THSD7B: variants seen among roughly 807,000 people sequenced by gnomAD.
The protein encoded by THSD7B is thrombospondin type-1 domain-containing protein 7B.
In THSD7B, 138 loss-of-function variants were observed where a neutral mutation model predicts 213.6. The observed-to-expected ratio is 0.65, with a 90% CI of 0.56 to 0.74. The LOEUF (loss-of-function observed/expected upper bound fraction) is 0.74. THSD7B is among the 30% of genes least tolerant of loss of function. The probability of loss-of-function intolerance (pLI) is 0.00; values close to 1 mark genes in which losing one functional copy is unlikely to be tolerated. For missense variants in THSD7B, 1,931 were observed against 1,991.5 expected, an observed-to-expected ratio of 0.97 and a Z score of 0.58; for synonymous variants, 742 against 687.0, an observed-to-expected ratio of 1.08 and a Z score of -1.25.
At chr2:137,564,456 C>T (rs1032250971) in intron 16 of THSD7B, among the ~76,000 whole-genome samples, 1 of 152,188 alleles carries the variant, frequency 6.6e-6, no homozygotes, top group African/African-American at 2.4e-5. Context: ...TCCCTTTGTA[C>T]ATTGCCCTTT....
intron 2 of THSD7B, among the ~76,000 whole-genome samples, chr2:137,037,135 A>G (rs1038020607): frequency 3.9e-5 from 6 of 152,120 alleles, no homozygotes; most frequent in Non-Finnish European, 8.8e-5. Flanking sequence ...AAGGGATTCC[A>G]AGCAATCTGA....
At chr2:137,586,296 C>T (rs1220339829) in intron 17 of THSD7B, among the ~76,000 whole-genome samples, 1 of 152,116 alleles carries the variant, frequency 6.6e-6, no homozygotes, top group Non-Finnish European at 1.5e-5. Context: ...TCCAATTTGC[C>T]AGTCTGTGTC....
At chr2:136,849,771 A>T (rs1027365886) in intron 1 of THSD7B, among the ~76,000 whole-genome samples, 22 of 152,140 alleles carry the variant, frequency 1.4e-4, no homozygotes, top group Admixed American at 1.2e-3. Flanking sequence ...TATTTAGAAA[A>T]ATTGTTTAGA....
At chr2:136,867,891 CAT>C (rs1341506754) in intron 1 of THSD7B, among the ~76,000 whole-genome samples, 4 of 152,152 alleles carry the variant, frequency 2.6e-5, no homozygotes, top group East Asian at 1.9e-4. Context: ...TACACACACA[CAT>C]ATGTGTGATA....
At chr2:136,850,891 A>C (rs1345666687) in intron 1 of THSD7B, among the ~76,000 whole-genome samples, 3 of 152,128 alleles carry the variant, frequency 2.0e-5, no homozygotes, top group Non-Finnish European at 2.9e-5. Context: ...ATATGTCTTA[A>C]ACTATCATTA....
chr2:137,142,445 G>A lies in THSD7B; in HGVS notation c.1370-17768G>A, dbSNP rs929037057. Among the ~76,000 whole-genome samples the A allele has an allele frequency of 4.0e-5, 6 of 151,364 alleles. No homozygotes were observed. The East Asian group carries it at 5.8e-4, about 15-fold the overall frequency. On this transcript the variant is annotated intron_variant, in intron 5 of 27. Transcript: ENST00000409968. ...CTATGGCAAGCAAATTTCAACATTC[G>A]TTTTTGTTGTTGTTGTTGTTGTTTT... is the stretch of plus-strand genomic sequence containing the variant.
intron 17 of THSD7B, among the ~76,000 whole-genome samples, chr2:137,585,604 G>T (rs970402885): frequency 3.9e-5 from 6 of 151,976 alleles, no homozygotes; most frequent in Non-Finnish European, 4.4e-5. Flanking sequence ...ATACCCAGTA[G>T]TCTTTCAGGA....
Position 136,964,941 on chromosome 2 carries a change from C to A in THSD7B, c.139+82624C>A, listed in dbSNP as rs181563849. Among the ~76,000 whole-genome samples, 401 of 146,834 alleles carry A rather than the reference C, an allele frequency of 2.7e-3. 3 individuals carry two copies. Among genetic ancestry groups the A allele is most frequent in the South Asian group, 0.01 (47 of 4,694 alleles). On this transcript the variant is annotated intron_variant, in intron 2 of 27. Transcript: ENST00000409968. ...GCTTGAACCCAGGAGGCAGAGGTTGCAGTGAGCCAAGATCATGCCACTGTA... is the reference window on the plus strand; with the variant it reads ...GCTTGAACCCAGGAGGCAGAGGTTGAAGTGAGCCAAGATCATGCCACTGTA...
intron 15 of THSD7B, among the ~76,000 whole-genome samples, chr2:137,453,264 G>T (rs528205177): frequency 1.3e-5 from 2 of 151,190 alleles, no homozygotes; most frequent in African/African-American, 4.9e-5. Flanking sequence ...ATTAAATCAG[G>T]CTAGTTAACA....
intron 2 of THSD7B, among the ~76,000 whole-genome samples, chr2:136,918,898 T>A (rs1263032906): frequency 6.6e-6 from 1 of 152,190 alleles, no homozygotes; most frequent in Non-Finnish European, 1.5e-5. Flanking sequence ...CCTGGGTTAA[T>A]AAAATAAACA....
At chr2:136,977,847 A>T (rs1685509452) in intron 2 of THSD7B, among the ~76,000 whole-genome samples, 1 of 143,378 alleles carries the variant, frequency 7.0e-6, no homozygotes, top group Admixed American at 7.2e-5. Flanking sequence ...TCTGTCACCC[A>T]GGCCGGAAAA....
At chr2:136,769,085 C>T (rs994126230) in intron 1 of THSD7B, among the ~76,000 whole-genome samples, 2 of 152,180 alleles carry the variant, frequency 1.3e-5, no homozygotes, top group Admixed American at 6.5e-5. Context: ...TTTAAAACTT[C>T]TCCATCTACC....
chr2:137,496,380 A>G (rs1352397922), intron 15 of THSD7B, among the ~76,000 whole-genome samples: 1 of 152,146 alleles, frequency 6.6e-6, no homozygotes, highest in African/African-American at 2.4e-5. Context: ...TTTAAAGATA[A>G]ACTTAAAATC....
intron 2 of THSD7B, among the ~76,000 whole-genome samples, chr2:136,992,903 GA>G (rs1263859283): frequency 2.6e-5 from 4 of 152,194 alleles, no homozygotes; most frequent in African/African-American, 9.7e-5. Context: ...ATTATCTGAA[GA>G]ACTGAAGAAT....
At chr2:137,215,343 A>C (rs1368882921) in intron 7 of THSD7B, among the ~76,000 whole-genome samples, 1 of 152,194 alleles carries the variant, frequency 6.6e-6, no homozygotes, top group African/African-American at 2.4e-5. Context: ...GCTAATATCC[A>C]GGATACAAGC....
chr2:137,150,637 A>G (rs574340995), intron 5 of THSD7B, among the ~76,000 whole-genome samples: 27 of 152,286 alleles, frequency 1.8e-4, no homozygotes, highest in African/African-American at 6.3e-4. Context: ...TTTTCTTCAT[A>G]AATTACCCAG....
intron 12 of THSD7B, among the ~76,000 whole-genome samples, chr2:137,345,682 T>A (rs919571141): frequency 4.6e-5 from 7 of 151,620 alleles, no homozygotes; most frequent in African/African-American, 1.7e-4. Flanking sequence ...GAAAAATAGC[T>A]GAGCATTTTT....
chr2:137,334,090 A>C (rs1024411953), intron 12 of THSD7B, among the ~76,000 whole-genome samples: 3 of 152,196 alleles, frequency 2.0e-5, no homozygotes, highest in Non-Finnish European at 1.5e-5. Flanking sequence ...GCAATTCAAT[A>C]TTACTTCATT....
At chr2:136,955,284 T>C (rs1685105565) in intron 2 of THSD7B, among the ~76,000 whole-genome samples, 1 of 152,338 alleles carries the variant, frequency 6.6e-6, no homozygotes, top group East Asian at 1.9e-4. Flanking sequence ...TTTAGAGAAC[T>C]ATTATTTGCC....
Sources: gnomAD v4.1 joint callset for allele counts (sites outside exome capture counted in the v4.1 genomes callset) on GRCh38, gnomAD v4.1.1 for gene constraint, MANE v1.5 for transcripts, NCBI Gene and HGNC (gene_info 2026-07-23, HGNC 2026-07-21) for gene names.